The following KIAA1217 variants were observed in gnomAD, a reference collection of about 807,000 sequenced individuals.
KIAA1217 encodes the protein KIAA1217, also known as sickle tail protein homolog.
Under a neutral mutation model 163.9 loss-of-function variants are expected in KIAA1217, and 88 were observed. The observed-to-expected ratio is 0.54, with a 90% CI of 0.45 to 0.64. KIAA1217 has a LOEUF of 0.64. KIAA1217 is among the 30% of genes least tolerant of loss of function. The pLI is 0.00. For synonymous variants in KIAA1217, 903 were observed against 923.1 expected, an observed-to-expected ratio of 0.98 and a Z score of 0.39; for missense variants, 2,372 against 2,475.0, an observed-to-expected ratio of 0.96 and a Z score of 0.88.
At chr10:24,097,543 T>C (rs1157809498) in intron 2 of KIAA1217, among the ~76,000 whole-genome samples, 1 of 151,816 alleles carries the variant, frequency 6.6e-6, no homozygotes, top group Non-Finnish European at 1.5e-5. Context: ...ACCCCATCTC[T>C]AGAAAGAAAA....
At chr10:24,080,253 GC>G (rs2061496391) in intron 2 of KIAA1217, among the ~76,000 whole-genome samples, 1 of 152,196 alleles carries the variant, frequency 6.6e-6, no homozygotes, top group Admixed American at 6.5e-5. Flanking sequence ...ATGGCTGCTG[GC>G]TGAGCAGGAC....
intron 3 of KIAA1217, among the ~76,000 whole-genome samples, chr10:24,418,081 G>C (rs2058414549): frequency 6.6e-6 from 1 of 151,368 alleles, no homozygotes; most frequent in Non-Finnish European, 1.5e-5. Flanking sequence ...GTAGTAGCTG[G>C]GACTACAGGC....
intron 1 of KIAA1217, among the ~76,000 whole-genome samples, chr10:23,782,541 T>C (rs1835305363): frequency 6.6e-6 from 1 of 152,164 alleles, no homozygotes; most frequent in African/African-American, 2.4e-5. Flanking sequence ...CTAGTAATTC[T>C]CCTGCCTCAG....
At chr10:24,337,322 A>G (rs1216987400) in intron 2 of KIAA1217, among the ~76,000 whole-genome samples, 1 of 152,246 alleles carries the variant, frequency 6.6e-6, no homozygotes, top group Non-Finnish European at 1.5e-5. Context: ...GGTTAATATC[A>G]CTAGCCATTA....
At chr10:23,961,013 A>T (rs1054307947) in intron 1 of KIAA1217, among the ~76,000 whole-genome samples, 12 of 152,230 alleles carry the variant, frequency 7.9e-5, no homozygotes, top group Non-Finnish European at 1.6e-4. Flanking sequence ...TAAAATTTTT[A>T]TAAAGCCTCC....
At chr10:24,514,275 C>T (rs2069681702) in intron 10 of KIAA1217, among the ~76,000 whole-genome samples, 2 of 152,138 alleles carry the variant, frequency 1.3e-5, no homozygotes, top group Admixed American at 1.3e-4. Context: ...TCTTGGAAAA[C>T]TTAAATCTTT....
rs1410439655 is a variant in KIAA1217, at chr10:24,473,156, G to A, written c.847-72G>A. The stretch of plus-strand genomic sequence containing the variant: ...ATACATCTTGCAGGGGAAGTCACAC[G>A]GTTACACACTGAGACTTCTCTTGAA... On this transcript the variant is annotated intron_variant, in intron 5 of 20. Coordinates refer to ENST00000376454, the MANE Select transcript of KIAA1217 (RefSeq NM_019590.5). The A allele has an allele frequency of 2.0e-5, 21 of 1,047,634 alleles. No homozygotes were observed. In the South Asian group the frequency reaches 2.5e-4, roughly 12 times the overall value. 64.9% of individuals were successfully genotyped at this position (1,047,634 alleles called of 1,614,324 possible).
chr10:23,833,104 C>T lies in KIAA1217; in HGVS notation c.-321+137870C>T, dbSNP rs142063847. Among the ~76,000 whole-genome samples, 1,456 of 152,208 alleles carry T rather than the reference C, an allele frequency of 9.6e-3. 20 individuals carry two copies. The highest frequency in any genetic ancestry group is 0.033 in the African/African-American group (1,381 of 41,516). On this transcript the variant is annotated intron_variant, in intron 1 of 18. Transcript: ENST00000376462. ...AATCTATTTTTCTTAATATATCAAC[C>T]TTAGGCTTTATATCTAGACTCCAGT...
At position 24,542,684 on chromosome 10, in the gene KIAA1217, T is replaced by G. The variant is rs1464403380; in HGVS notation, c.3535-9T>G. On this transcript the variant is annotated splice_polypyrimidine_tract_variant and intron_variant, in intron 17 of 20. Transcript: ENST00000376454. ...TTGTGGAGTAACATGTCCTACACTATTCTACCAGAATTTGGAATTTTTCCA... is the reference window on the plus strand; with the variant it reads ...TTGTGGAGTAACATGTCCTACACTAGTCTACCAGAATTTGGAATTTTTCCA... 12 of 1,613,376 alleles carry G rather than the reference T, an allele frequency of 7.4e-6. No homozygotes were observed. The highest frequency in any genetic ancestry group is 1.7e-5 in the Admixed American group (1 of 60,030).
intron 2 of KIAA1217, among the ~76,000 whole-genome samples, chr10:24,050,499 G>A (rs1030779596): frequency 1.3e-5 from 2 of 151,964 alleles, no homozygotes; most frequent in Non-Finnish European, 2.9e-5. Context: ...TAGGGAAGGG[G>A]TCCAGTTTCA....
chr10:23,709,169 CTT>C (rs1272806622), intron 1 of KIAA1217, among the ~76,000 whole-genome samples: 2 of 152,130 alleles, frequency 1.3e-5, no homozygotes, highest in Non-Finnish European at 2.9e-5. Context: ...CCACTTGACA[CTT>C]TGGATATCTC....
chr10:24,196,136 AACAC>A (rs66954103), intron 2 of KIAA1217, among the ~76,000 whole-genome samples: 3,043 of 143,232 alleles, frequency 0.021, 37 homozygotes, highest in East Asian at 0.053. Context: ...CCTGTCTCAA[AACAC>A]ACACACACAC....
intron 17 of KIAA1217, 116 bp downstream of exon 17, chr10:24,537,009 T>G (rs929675161): frequency 6.2e-5 from 77 of 1,240,030 alleles, no homozygotes; most frequent in Admixed American, 3.4e-4. Context: ...CTCTCTCTTT[T>G]TTTTAACTAA....
chr10:23,723,769 C>T (rs1034565711), intron 1 of KIAA1217, among the ~76,000 whole-genome samples: 1 of 152,140 alleles, frequency 6.6e-6, no homozygotes, highest in East Asian at 1.9e-4. Flanking sequence ...TTGCTGTTTG[C>T]TGATTTTTTT....
intron 1 of KIAA1217, among the ~76,000 whole-genome samples, chr10:24,211,177 A>G (rs1477299461): frequency 2.6e-5 from 4 of 152,090 alleles, no homozygotes; most frequent in Non-Finnish European, 5.9e-5. Flanking sequence ...TATTTGAACA[A>G]AGACAGGAGA....
At chr10:24,354,734 TCTCCTCTG>T (rs748141313) in intron 2 of KIAA1217, among the ~76,000 whole-genome samples, 6 of 67,042 alleles carry the variant, frequency 8.9e-5, no homozygotes, top group Non-Finnish European at 1.8e-4. Flanking sequence ...CCTTCTCTTC[TCTCCTCTG>T]CTCCTCTGCT....
At chr10:23,953,417 C>A (rs1246133038) in intron 1 of KIAA1217, among the ~76,000 whole-genome samples, 1 of 152,182 alleles carries the variant, frequency 6.6e-6, no homozygotes, top group Non-Finnish European at 1.5e-5. Context: ...GGGAAAAGTT[C>A]ATATAAAATA....
Position 24,024,189 on chromosome 10 carries a change from A to T in KIAA1217, c.-171+16815A>T, listed in dbSNP as rs1847851142. ...ATAAATTCACAAATGTTAAATATAC[A>T]ATTTTATAGGTTTTGATAAATACAT... On this transcript the variant is annotated intron_variant, in intron 2 of 18. Transcript: ENST00000376462. Among the ~76,000 whole-genome samples the T allele has an allele frequency of 3.3e-5, 5 of 151,656 alleles. No individual in the cohort carries two copies. The South Asian group carries it at 1.0e-3, about 31-fold the overall frequency.
Position 24,543,906 on chromosome 10 carries a change from T to A in KIAA1217, c.4636T>A (p.Phe1546Ile). The A allele has an allele frequency of 6.2e-7, 1 of 1,613,628 alleles. No homozygotes were observed. Among genetic ancestry groups the A allele is most frequent in the Non-Finnish European group, 8.5e-7 (1 of 1,179,888 alleles). ...AATGAACAGAACGGAGCTGAACAAGTTCAGCCACGTGGATTCTCCAAATTC... is the reference window on the plus strand; with the variant it reads ...AATGAACAGAACGGAGCTGAACAAGATCAGCCACGTGGATTCTCCAAATTC... ...QEMNRTELNKFSHVDSPNSEC... is the reference protein window; with the variant it reads ...QEMNRTELNKISHVDSPNSEC... Residue 1546 changes from phenylalanine to isoleucine, a missense_variant, in exon 19 of 21, where the codon TTC becomes ATC. Around this residue, in one of 3 missense-constraint regions of KIAA1217, gnomAD observed 690 missense variants for 677.5 expected, o/e 1.02. Transcript: ENST00000376454.
Sources: gnomAD v4.1 joint callset for allele counts (sites outside exome capture counted in the v4.1 genomes callset) on GRCh38, gnomAD v4.1.1 for gene constraint, gnomAD v4.1.1 regional missense constraint, MANE v1.5 for transcripts, NCBI Gene and HGNC (gene_info 2026-07-23, HGNC 2026-07-21) for gene names.